Variants in ATRNL1 observed in about 807,000 individuals in gnomAD.
The protein encoded by ATRNL1 is attractin-like protein 1.
Under a neutral mutation model 182.7 loss-of-function variants are expected in ATRNL1, and 95 were observed. The observed-to-expected ratio is 0.52, with a 90% CI of 0.44 to 0.62. The LOEUF (loss-of-function observed/expected upper bound fraction) is 0.62. Ranked by LOEUF, ATRNL1 falls within the 20% of genes least tolerant of loss-of-function variation. ATRNL1 has a pLI of 0.00. For missense variants in ATRNL1, 1,471 were observed against 1,679.5 expected, an observed-to-expected ratio of 0.88 and a Z score of 2.17; for synonymous variants, 576 against 568.3, an observed-to-expected ratio of 1.01 and a Z score of -0.19.
In ATRNL1 at chr10:115,893,859, C is replaced by A. The variant is rs115205347; in HGVS notation, c.4018+45868C>A. Among the ~76,000 whole-genome samples, 1,001 of 151,918 alleles carry A rather than the reference C, an allele frequency of 6.6e-3. 15 individuals are homozygous for A. Among genetic ancestry groups the A allele is most frequent in the African/African-American group, 0.023 (961 of 41,414 alleles). On this transcript the variant is annotated intron_variant, in intron 28 of 28. Transcript: ENST00000355044. The stretch of plus-strand genomic sequence containing the variant: ...TGTTTGGTGTGGATATAGTGTGAAC[C>A]AAATAAGGACCTTTGTTTCATGCCA...
intron 20 of ATRNL1, among the ~76,000 whole-genome samples, chr10:115,412,116 G>A (rs1320463366): frequency 2.6e-5 from 4 of 152,118 alleles, no homozygotes; most frequent in Non-Finnish European, 5.9e-5. Context: ...TGAATATGCT[G>A]TGAAGTCTAT....
chr10:115,315,206 G>C (rs1854235774), intron 17 of ATRNL1, among the ~76,000 whole-genome samples: 2 of 152,102 alleles, frequency 1.3e-5, no homozygotes, highest in South Asian at 4.2e-4. Flanking sequence ...TGGTCTGTAG[G>C]GCCCTAAAAG....
chr10:115,932,855 T>G (rs182509800), intron 28 of ATRNL1, among the ~76,000 whole-genome samples: 25 of 152,318 alleles, frequency 1.6e-4, no homozygotes, highest in Admixed American at 1.5e-3. Context: ...ATTATAAGCC[T>G]TGTATCTGTC....
At chr10:115,292,637 A>G (rs1852975026) in intron 15 of ATRNL1, among the ~76,000 whole-genome samples, 1 of 151,926 alleles carries the variant, frequency 6.6e-6, no homozygotes, top group South Asian at 2.1e-4. Context: ...TGAGGACTAT[A>G]TTGTTTAATT....
chr10:115,270,580 A>G (rs572274160), intron 13 of ATRNL1, among the ~76,000 whole-genome samples: 12 of 151,886 alleles, frequency 7.9e-5, no homozygotes, highest in African/African-American at 2.9e-4. Flanking sequence ...ATTCTACTCT[A>G]CGTATGGAGG....
rs191579410 is a variant in ATRNL1, at chr10:115,408,197, G to T, written c.3269+13445G>T. Among the ~76,000 whole-genome samples the T allele has an allele frequency of 8.0e-3, 1,211 of 151,442 alleles. 12 individuals are homozygous for T. The highest frequency in any genetic ancestry group is 0.026 in the African/African-American group (1,069 of 41,258). ...TTTTTGTATTTTTAGTAGAGACGGG[G>T]TTTCACCTTGTTAGCCAGGATGGTC... On this transcript the variant is annotated intron_variant, in intron 20 of 28. Coordinates refer to ENST00000355044, the MANE Select transcript of ATRNL1 (RefSeq NM_207303.4).
intron 8 of ATRNL1, among the ~76,000 whole-genome samples, chr10:115,212,112 ATGAT>A (rs1370072387): frequency 6.6e-6 from 1 of 151,756 alleles, no homozygotes; most frequent in Non-Finnish European, 1.5e-5. Flanking sequence ...GGTTTGGAGT[ATGAT>A]TGATCTTGTC....
intron 25 of ATRNL1, among the ~76,000 whole-genome samples, chr10:115,524,084 G>T (rs1489738378): frequency 6.7e-6 from 1 of 150,362 alleles, no homozygotes; most frequent in African/African-American, 2.5e-5. Flanking sequence ...CACATGGTGA[G>T]AAAGTAGGCA....
At chr10:115,287,069 A>G (rs191695451) in intron 15 of ATRNL1, among the ~76,000 whole-genome samples, 4 of 152,124 alleles carry the variant, frequency 2.6e-5, no homozygotes, top group South Asian at 2.1e-4. Context: ...AGAGATGACT[A>G]TGTTACCAAT....
Position 115,847,886 on chromosome 10 carries a change from A to G in ATRNL1, c.3913A>G (p.Lys1305Glu), listed in dbSNP as rs968579789. 6.2e-7 allele frequency: 1 copy of G among 1,606,578 alleles called. No individual in the cohort carries two copies. Among genetic ancestry groups the G allele is most frequent in the Non-Finnish European group, 8.5e-7 (1 of 1,173,514 alleles). Residue 1305 changes from lysine (K) to glutamate (E), a missense_variant, in exon 28 of 29, where the codon AAG (lysine) becomes GAG (glutamate). This residue lies in a region of ATRNL1 where 437 missense variants were observed against 506.0 expected (regional missense o/e 0.86). Transcript: ENST00000355044. ...GGGTTTTCTTTTTCAGGGGGCACCCAAGCCAATTGCCATTGAACCATGTGC... is the reference window on the plus strand; with the variant it reads ...GGGTTTTCTTTTTCAGGGGGCACCCGAGCCAATTGCCATTGAACCATGTGC... ...FLRGPLEGAP[K>E]PIAIEPCAGN...
rs555830423 is a variant in ATRNL1 at position 115,424,811 on chromosome 10, T to C, written c.3270-1439T>C. On this transcript the variant is annotated intron_variant, in intron 20 of 28. Transcript: ENST00000355044. ...GGATTTTGAAAGGCTTGGGAGGGTA[T>C]GAGGAGGGTGGAATGGGGAGAGATT... Among the ~76,000 whole-genome samples the C allele has an allele frequency of 6.2e-4, 94 of 152,102 alleles. 1 individual carries two copies. The highest frequency in any genetic ancestry group is 3.6e-3 in the Admixed American group (55 of 15,270).
chr10:115,357,036 G>A (rs782155261), intron 19 of ATRNL1, among the ~76,000 whole-genome samples: 7 of 151,824 alleles, frequency 4.6e-5, no homozygotes, highest in Admixed American at 1.3e-4. Context: ...TTGATGTGAT[G>A]CTTAGCCCCT....
intron 24 of ATRNL1, among the ~76,000 whole-genome samples, chr10:115,486,578 A>G (rs1554975192): frequency 3.3e-5 from 5 of 151,926 alleles, no homozygotes; most frequent in African/African-American, 1.2e-4. Flanking sequence ...TCCTTTGCCC[A>G]CTTTTTGATG....
At chr10:115,671,129 G>C (rs1216572430) in intron 26 of ATRNL1, among the ~76,000 whole-genome samples, 1 of 152,218 alleles carries the variant, frequency 6.6e-6, no homozygotes, top group East Asian at 1.9e-4. Context: ...TGAAACACAG[G>C]CTGCATTTGG....
At chr10:115,593,740 G>A (rs1856056453) in intron 26 of ATRNL1, among the ~76,000 whole-genome samples, 1 of 151,994 alleles carries the variant, frequency 6.6e-6, no homozygotes, top group Non-Finnish European at 1.5e-5. Context: ...TCTAAAATTT[G>A]CATTGAAACA....
intron 24 of ATRNL1, among the ~76,000 whole-genome samples, chr10:115,478,575 A>G (rs1422664100): frequency 3.3e-5 from 5 of 151,716 alleles, no homozygotes; most frequent in Admixed American, 1.3e-4. Context: ...AAATTCAATA[A>G]TCATAGGAGT....
intron 24 of ATRNL1, among the ~76,000 whole-genome samples, chr10:115,494,855 A>G (rs1300341759): frequency 6.6e-6 from 1 of 152,208 alleles, no homozygotes; most frequent in Non-Finnish European, 1.5e-5. Context: ...CTGGCCTTGT[A>G]GAATGAGTTA....
chr10:115,161,023 A>G (rs930470993), intron 6 of ATRNL1, among the ~76,000 whole-genome samples: 5 of 151,946 alleles, frequency 3.3e-5, no homozygotes, highest in Admixed American at 1.3e-4. Flanking sequence ...CATTTTTAGT[A>G]TAAGAAGGCC....
intron 26 of ATRNL1, among the ~76,000 whole-genome samples, chr10:115,714,568 C>A (rs1555055769): frequency 6.6e-6 from 1 of 152,134 alleles, no homozygotes; most frequent in African/African-American, 2.4e-5. Context: ...TTTATCTTCA[C>A]TTTTTACTTT....
Sources: gnomAD v4.1 joint callset for allele counts (sites outside exome capture counted in the v4.1 genomes callset) on GRCh38, gnomAD v4.1.1 for gene constraint, gnomAD v4.1.1 regional missense constraint, MANE v1.5 for transcripts, NCBI Gene and HGNC (gene_info 2026-07-23, HGNC 2026-07-21) for gene names.